Variants in CNTNAP2 observed in about 807,000 individuals in gnomAD.
CNTNAP2 encodes contactin-associated protein-like 2.
CNTNAP2 carries 98 observed loss-of-function variants against 155.2 expected under a neutral mutation model. The observed-to-expected ratio is 0.63, with a 90% CI of 0.54 to 0.75. The LOEUF (loss-of-function observed/expected upper bound fraction) is 0.75. Ranked by LOEUF, CNTNAP2 falls within the 30% of genes least tolerant of loss-of-function variation. The pLI is 0.00. For synonymous variants in CNTNAP2, 651 were observed against 631.2 expected (o/e 1.03, Z -0.47); for missense variants, 1,727 against 1,688.1 (o/e 1.02, Z -0.40).
chr7:146,262,017 G>A (rs1263831430), intron 1 of CNTNAP2, among the ~76,000 whole-genome samples: 1 of 152,130 alleles, frequency 6.6e-6, no homozygotes, highest in African/African-American at 2.4e-5. Flanking sequence ...GTGTGTTGCT[G>A]TTTCTTTTAT....
At chr7:147,490,272 G>A (rs1048197478) in intron 11 of CNTNAP2, among the ~76,000 whole-genome samples, 2 of 152,116 alleles carry the variant, frequency 1.3e-5, no homozygotes, top group African/African-American at 4.8e-5. Context: ...ATACTAGTAA[G>A]GAACAGGTCC....
At chr7:146,348,270 A>G (rs544405742) in intron 1 of CNTNAP2, among the ~76,000 whole-genome samples, 1 of 152,152 alleles carries the variant, frequency 6.6e-6, no homozygotes, top group African/African-American at 2.4e-5. Flanking sequence ...AATATAAAAA[A>G]ACAAATTAGC....
intron 1 of CNTNAP2, among the ~76,000 whole-genome samples, chr7:146,340,094 G>A (rs575103240): frequency 9.0e-4 from 135 of 150,622 alleles, no homozygotes; most frequent in African/African-American, 3.3e-3. Flanking sequence ...GCGTGAACCC[G>A]GGAGGCTGAG....
chr7:146,778,490 A>G (rs973697092), intron 2 of CNTNAP2, among the ~76,000 whole-genome samples: 1 of 152,132 alleles, frequency 6.6e-6, no homozygotes, highest in Non-Finnish European at 1.5e-5. Context: ...TTGTTTTCTT[A>G]TCAACACCTT....
intron 11 of CNTNAP2, among the ~76,000 whole-genome samples, chr7:147,506,624 T>A (rs889870263): frequency 3.3e-5 from 5 of 152,228 alleles, no homozygotes; most frequent in African/African-American, 1.2e-4. Flanking sequence ...AAAAGTTGTA[T>A]CTTTTTAAAT....
At chr7:147,381,140 CTG>C (rs1322281534) in intron 9 of CNTNAP2, among the ~76,000 whole-genome samples, 1 of 152,106 alleles carries the variant, frequency 6.6e-6, no homozygotes, top group Non-Finnish European at 1.5e-5. Flanking sequence ...GTGTCAGTCA[CTG>C]TACTAGGGGC....
intron 1 of CNTNAP2, among the ~76,000 whole-genome samples, chr7:146,752,124 C>T (rs1253432451): frequency 6.6e-6 from 1 of 152,052 alleles, no homozygotes; most frequent in Non-Finnish European, 1.5e-5. Context: ...GATTTATCAT[C>T]CTTTGGGTAC....
intron 1 of CNTNAP2, among the ~76,000 whole-genome samples, chr7:146,294,252 A>G (rs1440705771): frequency 2.6e-5 from 4 of 152,214 alleles, no homozygotes; most frequent in Admixed American, 1.3e-4. Context: ...TTAAAAATTG[A>G]AAGCTTCACA....
At chr7:147,640,223 A>G (rs1795251138) in intron 13 of CNTNAP2, among the ~76,000 whole-genome samples, 1 of 152,134 alleles carries the variant, frequency 6.6e-6, no homozygotes, top group Non-Finnish European at 1.5e-5. Context: ...TGCCTCATAC[A>G]TTTATTATTT....
intron 1 of CNTNAP2, among the ~76,000 whole-genome samples, chr7:146,702,445 T>A (rs1396598694): frequency 6.6e-6 from 1 of 152,170 alleles, no homozygotes; most frequent in East Asian, 1.9e-4. Flanking sequence ...TATCTAGAAA[T>A]GTTTTTAAAT....
chr7:146,371,365 GTTTTT>G (rs58066282), intron 1 of CNTNAP2, among the ~76,000 whole-genome samples: 2 of 98,536 alleles, frequency 2.0e-5, no homozygotes, highest in East Asian at 5.9e-4. Flanking sequence ...GCCAGTATTA[GTTTTT>G]TTTTTTTTTT....
chr7:147,269,926 G>A (rs1054312589), intron 8 of CNTNAP2, among the ~76,000 whole-genome samples: 23 of 152,048 alleles, frequency 1.5e-4, no homozygotes, highest in Admixed American at 5.2e-4. Flanking sequence ...GTTGGGTTTC[G>A]TGGCGTGCTC....
intron 1 of CNTNAP2, among the ~76,000 whole-genome samples, chr7:146,376,629 C>A (rs974637116): frequency 1.3e-5 from 2 of 151,950 alleles, no homozygotes; most frequent in Non-Finnish European, 2.9e-5. Context: ...AAATAATTCC[C>A]AGACTTTGGT....
At chr7:147,680,774 A>C (rs1307884444) in intron 13 of CNTNAP2, among the ~76,000 whole-genome samples, 6 of 151,584 alleles carry the variant, frequency 4.0e-5, no homozygotes, top group Non-Finnish European at 5.9e-5. Context: ...CTCCCTCTCT[A>C]TATATAATTT....
intron 21 of CNTNAP2, among the ~76,000 whole-genome samples, chr7:148,323,860 G>A (rs2116542075): frequency 6.6e-6 from 1 of 151,036 alleles, no homozygotes; most frequent in South Asian, 2.1e-4. Context: ...CAAACTGAGT[G>A]AGACTTGTCT....
Position 147,023,077 on chromosome 7 carries a change from C to T in CNTNAP2, c.403-20830C>T, listed in dbSNP as rs185637541. Reference sequence around the variant, plus strand: ...GTACAGGGTTCAGGGTTCCTTGCTTCATGATAAACATTTGCATAAAAGATT... The same window carrying T: ...GTACAGGGTTCAGGGTTCCTTGCTTTATGATAAACATTTGCATAAAAGATT... On this transcript the variant is annotated intron_variant, in intron 3 of 23. Coordinates refer to ENST00000361727, the MANE Select transcript of CNTNAP2 (RefSeq NM_014141.6). Among the ~76,000 whole-genome samples the T allele has an allele frequency of 4.6e-5, 7 of 152,206 alleles. No homozygotes were observed. In the East Asian group the frequency reaches 1.2e-3, roughly 25 times the overall value.
chr7:146,786,928 C>G (rs1309696777), intron 2 of CNTNAP2: 1 of 152,238 alleles, frequency 6.6e-6, no homozygotes, highest in Non-Finnish European at 1.5e-5. Flanking sequence ...ACCACCACCT[C>G]ACCAGACATC....
intron 10 of CNTNAP2, among the ~76,000 whole-genome samples, chr7:147,482,809 G>A (rs1798446387): frequency 6.6e-6 from 1 of 152,018 alleles, no homozygotes. Flanking sequence ...ACTCTGGGAG[G>A]CTGAGGTGGG....
intron 13 of CNTNAP2, among the ~76,000 whole-genome samples, chr7:147,644,518 A>C (rs1050021051): frequency 9.8e-5 from 15 of 152,296 alleles, no homozygotes; most frequent in Admixed American, 7.8e-4. Flanking sequence ...GCTACTTGAG[A>C]GGCTGACACA....
Sources: allele counts gnomAD v4.1 joint callset (sites outside exome capture counted in the v4.1 genomes callset), GRCh38; gene constraint gnomAD v4.1.1; transcripts MANE v1.5; gene names NCBI Gene and HGNC (gene_info 2026-07-23, HGNC 2026-07-21).